Variants in AGBL1 observed in about 807,000 individuals in gnomAD.
The protein encoded by AGBL1 is cytosolic carboxypeptidase 4.
AGBL1 carries 130 observed loss-of-function variants against 118.9 expected under a neutral mutation model. The ratio of observed to expected loss-of-function variants is 1.09; its 90% CI spans 0.95 to 1.26. The LOEUF (loss-of-function observed/expected upper bound fraction) is 1.26, where lower values mean the gene tolerates loss of function less well. Among genes scored for constraint, AGBL1 ranks in the 50% most tolerant of loss-of-function variants. AGBL1 has a pLI of 0.00. For missense variants in AGBL1, 1,584 were observed against 1,298.1 expected (o/e 1.22, Z -3.38); for synonymous variants, 555 against 478.9 (o/e 1.16, Z -2.08).
At chr15:86,728,784 C>T (rs1287483624) in intron 22 of AGBL1, among the ~76,000 whole-genome samples, 1 of 151,894 alleles carries the variant, frequency 6.6e-6, no homozygotes, top group Non-Finnish European at 1.5e-5. Context: ...TTTCTCTTTA[C>T]TTGCTGTAGC....
At chr15:86,213,077 C>A (rs770266011) in intron 5 of AGBL1, among the ~76,000 whole-genome samples, 5 of 152,218 alleles carry the variant, frequency 3.3e-5, no homozygotes, top group Non-Finnish European at 7.3e-5. Context: ...CATTGCAAGG[C>A]TTTGTGATAT....
chr15:86,110,444 A>G (rs1791359336), intron 1 of AGBL1, among the ~76,000 whole-genome samples: 1 of 152,250 alleles, frequency 6.6e-6, no homozygotes, highest in South Asian at 2.1e-4. Context: ...TATATTTACT[A>G]TTCATTAAGT....
chr15:86,329,578 G>A (rs559305071), intron 17 of AGBL1, among the ~76,000 whole-genome samples: 1 of 152,070 alleles, frequency 6.6e-6, no homozygotes, highest in Non-Finnish European at 1.5e-5. Flanking sequence ...GGTATTTGGA[G>A]TGCCTGCTCC....
chr15:86,842,832 G>A (rs541220565), intron 22 of AGBL1, among the ~76,000 whole-genome samples: 2 of 152,160 alleles, frequency 1.3e-5, no homozygotes, highest in African/African-American at 4.8e-5. Flanking sequence ...AGACCTGTTG[G>A]ATTAGTGATG....
intron 5 of AGBL1, among the ~76,000 whole-genome samples, chr15:86,197,206 T>C (rs144378631): frequency 4.6e-5 from 7 of 152,248 alleles, no homozygotes; most frequent in Non-Finnish European, 8.8e-5. Flanking sequence ...TTGAGGTGCA[T>C]GCCAGAAAAC....
chr15:86,495,970 T>G (rs905290089), intron 18 of AGBL1, among the ~76,000 whole-genome samples: 1 of 151,946 alleles, frequency 6.6e-6, no homozygotes, highest in Non-Finnish European at 1.5e-5. Flanking sequence ...CCCCCAATAC[T>G]AGTATTGCTA....
At chr15:86,666,447 G>A (rs2085646140) in intron 21 of AGBL1, among the ~76,000 whole-genome samples, 1 of 152,048 alleles carries the variant, frequency 6.6e-6, no homozygotes, top group African/African-American at 2.4e-5. Flanking sequence ...TCTTTAGTTT[G>A]TTTTAGGATA....
chr15:86,290,900 C>T (rs113062025), intron 16 of AGBL1, among the ~76,000 whole-genome samples: 6 of 151,026 alleles, frequency 4.0e-5, no homozygotes, highest in African/African-American at 1.5e-4. Context: ...TCCATGTGTT[C>T]TCATTGTTCA....
intron 22 of AGBL1, among the ~76,000 whole-genome samples, chr15:86,770,791 A>G (rs1406068968): frequency 6.6e-6 from 1 of 152,032 alleles, no homozygotes; most frequent in Non-Finnish European, 1.5e-5. Context: ...ACCACAGAGG[A>G]GTAGTACACA....
intron 16 of AGBL1, among the ~76,000 whole-genome samples, chr15:86,293,666 ACTATTCTT>A (rs2079585212): frequency 6.6e-6 from 1 of 152,194 alleles, no homozygotes; most frequent in Non-Finnish European, 1.5e-5. Context: ...TTTGGGGGCC[ACTATTCTT>A]CTTACCATAT....
intron 23 of AGBL1, among the ~76,000 whole-genome samples, chr15:86,935,730 T>G (rs187947575): frequency 1.9e-3 from 290 of 152,322 alleles, no homozygotes; most frequent in African/African-American, 6.7e-3. Flanking sequence ...GAAATCTTGT[T>G]GTTGTCATGC....
intron 22 of AGBL1, among the ~76,000 whole-genome samples, chr15:86,769,200 AG>A (rs1381539381): frequency 8.6e-6 from 1 of 116,052 alleles, no homozygotes; most frequent in Non-Finnish European, 1.7e-5. Context: ...ACAGAGAAAG[AG>A]GGAGAGAGAG....
At chr15:86,505,445 C>T (rs544255616) in intron 18 of AGBL1, among the ~76,000 whole-genome samples, 1 of 151,748 alleles carries the variant, frequency 6.6e-6, no homozygotes, top group Admixed American at 6.6e-5. Context: ...GTGTCTGAGA[C>T]TCTGTTAATT....
intron 17 of AGBL1, among the ~76,000 whole-genome samples, chr15:86,306,508 G>A (rs2079843499): frequency 6.6e-6 from 1 of 151,940 alleles, no homozygotes; most frequent in Admixed American, 6.6e-5. Context: ...CTTTTTTATG[G>A]CTGAATAATA....
At chr15:86,448,174 G>A (rs912905898) in intron 18 of AGBL1, among the ~76,000 whole-genome samples, 9 of 152,088 alleles carry the variant, frequency 5.9e-5, no homozygotes, top group Non-Finnish European at 1.3e-4. Flanking sequence ...TATCGAAACA[G>A]AATAAATGCA....
At chr15:86,243,798 C>G (rs1445443810) in intron 6 of AGBL1, among the ~76,000 whole-genome samples, 1 of 152,096 alleles carries the variant, frequency 6.6e-6, no homozygotes, top group South Asian at 2.1e-4. Context: ...CACTTGAGGT[C>G]AGGAGTTCGA....
chr15:86,555,706 C>T (rs2083724276), intron 21 of AGBL1, among the ~76,000 whole-genome samples: 1 of 152,176 alleles, frequency 6.6e-6, no homozygotes, highest in Non-Finnish European at 1.5e-5. Context: ...CACTCTTTCA[C>T]TTACCAGCAG....
Position 86,262,771 on chromosome 15 carries a change from A to G in AGBL1, c.970-7A>G. On this transcript the variant is annotated splice_polypyrimidine_tract_variant and splice_region_variant and intron_variant, in intron 9 of 22. Coordinates refer to ENST00000614907, the MANE Select transcript of AGBL1 (RefSeq NM_001386094.1). ...CTGTAATCTCTTCTATGACTATTCC[A>G]TTTTAGGATGATGACTTGGAAACAG... 2 of 1,579,676 alleles carry G rather than the reference A, an allele frequency of 1.3e-6. No individual in the cohort carries two copies. Among genetic ancestry groups the G allele is most frequent in the Non-Finnish European group, 1.7e-6 (2 of 1,154,252 alleles).
In AGBL1 at chr15:86,143,706, C is replaced by A. The variant is rs746519912; in HGVS notation, c.123C>A (p.Asp41Glu). The change falls in exon 3 of 23, where the codon GAC (aspartate) becomes GAA (glutamate). Residue 41 changes from aspartate to glutamate, a missense_variant. Transcript: ENST00000614907. ...VLGDLLSVGT[D>E]RRIHYMISKG... ...CCTCCGGTTTCCCCTCAGGCACAGA[C>A]CGGAGAATTCACTACATGATCAGCA... The A allele has an allele frequency of 6.2e-7, 1 of 1,613,570 alleles. No homozygotes were observed. Among genetic ancestry groups the A allele is most frequent in the Non-Finnish European group, 8.5e-7 (1 of 1,179,634 alleles).
Sources: allele counts gnomAD v4.1 joint callset (sites outside exome capture counted in the v4.1 genomes callset), GRCh38; gene constraint gnomAD v4.1.1; transcripts MANE v1.5; gene names NCBI Gene and HGNC (gene_info 2026-07-23, HGNC 2026-07-21).